TACR1: variants seen among roughly 807,000 people sequenced by gnomAD.
TACR1 encodes the protein tachykinin receptor 1.
Under a neutral mutation model 35.8 loss-of-function variants are expected in TACR1, and 25 were observed. The observed-to-expected ratio is 0.70, with a 90% CI of 0.51 to 0.98. The LOEUF is 0.98. TACR1 is among the 50% of genes least tolerant of loss of function. The probability of loss-of-function intolerance (pLI) is 0.00; values close to 1 mark genes in which losing one functional copy is unlikely to be tolerated. For missense variants in TACR1, 478 were observed against 522.9 expected (o/e 0.91, Z 0.84); for synonymous variants, 195 against 206.7 (o/e 0.94, Z 0.48).
chr2:75,131,211 C>T (rs537991778), intron 1 of TACR1, among the ~76,000 whole-genome samples: 30 of 151,978 alleles, frequency 2.0e-4, no homozygotes, highest in Non-Finnish European at 4.0e-4. Flanking sequence ...GTCTCAGCCT[C>T]TCGAGTAGCT....
chr2:75,141,980 A>C (rs1276204052), intron 1 of TACR1, among the ~76,000 whole-genome samples: 1 of 152,228 alleles, frequency 6.6e-6, no homozygotes, highest in African/African-American at 2.4e-5. Context: ...AGGAGAAAGG[A>C]AACATTTATT....
chr2:75,179,752 T>A (rs899471503), intron 1 of TACR1, among the ~76,000 whole-genome samples: 1 of 152,160 alleles, frequency 6.6e-6, no homozygotes, highest in African/African-American at 2.4e-5. Context: ...GGAGCTCAGG[T>A]TGAGATGGCT....
intron 2 of TACR1, among the ~76,000 whole-genome samples, chr2:75,101,670 G>A (rs548769830): frequency 3.9e-5 from 6 of 152,170 alleles, no homozygotes; most frequent in East Asian, 3.9e-4. Flanking sequence ...AATAAAGGCC[G>A]GGCACGGTGG....
At chr2:75,091,141 A>T (rs76282616) in intron 2 of TACR1, among the ~76,000 whole-genome samples, 1,712 of 143,300 alleles carry the variant, frequency 0.012, 23 homozygotes, top group African/African-American at 0.042. Context: ...TATCTCACAC[A>T]TTATAGTGCT....
chr2:75,192,537 A>G (rs1675871200), intron 1 of TACR1, among the ~76,000 whole-genome samples: 1 of 152,200 alleles, frequency 6.6e-6, no homozygotes, highest in African/African-American at 2.4e-5. Flanking sequence ...ATTTGGGTGG[A>G]AAATTGTCAA....
chr2:75,060,652 G>A (rs575368938), intron 2 of TACR1, among the ~76,000 whole-genome samples: 116 of 152,322 alleles, frequency 7.6e-4, no homozygotes, highest in African/African-American at 2.7e-3. Context: ...TTTTGAAGTT[G>A]GTGGAAAACC....
At chr2:75,185,295 C>T (rs1675664717) in intron 1 of TACR1, among the ~76,000 whole-genome samples, 1 of 151,884 alleles carries the variant, frequency 6.6e-6, no homozygotes, top group African/African-American at 2.4e-5. Context: ...ATTATTTATG[C>T]ATATTTGCCT....
At position 75,138,984 on chromosome 2, in the gene TACR1, C is replaced by G. The variant is rs76139137; in HGVS notation, c.390-18216G>C. On this transcript the variant is annotated intron_variant, in intron 1 of 4. Coordinates refer to ENST00000305249, the MANE Select transcript of TACR1 (RefSeq NM_001058.4). Reference sequence around the variant, plus strand: ...GAAAAAGAACGGTCATGAGAACATGCAACAAGGGGATCTATTTTATTTATT... The same window carrying G: ...GAAAAAGAACGGTCATGAGAACATGGAACAAGGGGATCTATTTTATTTATT... Among the ~76,000 whole-genome samples, 584 of 152,090 alleles carry G rather than the reference C, an allele frequency of 3.8e-3. 34 individuals are homozygous for G. The East Asian group carries it at 0.096, about 25-fold the overall frequency.
intron 1 of TACR1, among the ~76,000 whole-genome samples, chr2:75,169,196 A>G (rs1237545182): frequency 6.6e-6 from 1 of 152,176 alleles, no homozygotes; most frequent in South Asian, 2.1e-4. Flanking sequence ...TTAATTACAT[A>G]TAACAACTGA....
At chr2:75,160,029 A>T (rs1186680102) in intron 1 of TACR1, among the ~76,000 whole-genome samples, 1 of 152,204 alleles carries the variant, frequency 6.6e-6, no homozygotes, top group Non-Finnish European at 1.5e-5. Flanking sequence ...CACTACATAC[A>T]AGACTTTAAG....
chr2:75,157,055 A>G (rs1291893047), intron 1 of TACR1, among the ~76,000 whole-genome samples: 2 of 152,134 alleles, frequency 1.3e-5, no homozygotes, highest in African/African-American at 4.8e-5. Context: ...CATGCATTCC[A>G]GCTGCTGACC....
chr2:75,086,830 T>A lies in TACR1; in HGVS notation c.585-33075A>T, dbSNP rs9807982. ...TGAGTTTGTGATGACAGTGTCAGATTCAGGTACTCTTAGGTCATATTTCCT... is the reference window on the plus strand; with the variant it reads ...TGAGTTTGTGATGACAGTGTCAGATACAGGTACTCTTAGGTCATATTTCCT... On this transcript the variant is annotated intron_variant, in intron 2 of 4. Coordinates refer to ENST00000305249, the MANE Select transcript of TACR1 (RefSeq NM_001058.4). Among the ~76,000 whole-genome samples, 431 of 152,336 alleles carry A rather than the reference T, an allele frequency of 2.8e-3. 4 individuals are homozygous for A. The highest frequency in any genetic ancestry group is 9.6e-3 in the African/African-American group (400 of 41,580).
At chr2:75,100,454 T>A (rs1353923503) in intron 2 of TACR1, among the ~76,000 whole-genome samples, 6 of 152,240 alleles carry the variant, frequency 3.9e-5, no homozygotes, top group Non-Finnish European at 8.8e-5. Context: ...CCTACTGATT[T>A]GCTTCCCTCA....
intron 1 of TACR1, among the ~76,000 whole-genome samples, chr2:75,173,432 C>G (rs982731924): frequency 6.6e-6 from 1 of 152,186 alleles, no homozygotes; most frequent in Non-Finnish European, 1.5e-5. Context: ...TACCTCATCA[C>G]TGCCAATTGT....
At chr2:75,148,222 T>C (rs1369945934) in intron 1 of TACR1, among the ~76,000 whole-genome samples, 3 of 152,234 alleles carry the variant, frequency 2.0e-5, no homozygotes, top group African/African-American at 7.2e-5. Context: ...TATATTCCTT[T>C]GGGTATATAC....
chr2:75,137,728 C>CAAAAAAAAAAAAAAAAAAAAAA (rs11326632), intron 1 of TACR1, among the ~76,000 whole-genome samples: 2 of 47,518 alleles, frequency 4.2e-5, no homozygotes, highest in Non-Finnish European at 7.0e-5. Flanking sequence ...GTCTCCGTCT[C>CAAAAAAAAAAAAAAAAAAAAAA]AAAAAAAAAA....
At chr2:75,149,186 G>A (rs1674611843) in intron 1 of TACR1, among the ~76,000 whole-genome samples, 1 of 152,018 alleles carries the variant, frequency 6.6e-6, no homozygotes, top group Non-Finnish European at 1.5e-5. Context: ...ATAGTTTGAA[G>A]TCAGGTAGCA....
intron 2 of TACR1, among the ~76,000 whole-genome samples, chr2:75,113,532 C>CT (rs11437762): frequency 0.52 from 47,448 of 92,012 alleles, 11,550 homozygotes; most frequent in Admixed American, 0.55. Flanking sequence ...TTTCTTCTTC[C>CT]TTTTTTTTTT....
intron 1 of TACR1, among the ~76,000 whole-genome samples, chr2:75,137,661 G>A (rs933692853): frequency 8.1e-5 from 12 of 147,696 alleles, no homozygotes; most frequent in African/African-American, 2.3e-4. Flanking sequence ...CCTGGGAGGC[G>A]GAGCTTGCAG....
Sources: gnomAD v4.1 joint callset for allele counts (sites outside exome capture counted in the v4.1 genomes callset) on GRCh38, gnomAD v4.1.1 for gene constraint, MANE v1.5 for transcripts, NCBI Gene and HGNC (gene_info 2026-07-23, HGNC 2026-07-21) for gene names.